BPTF: variants seen among roughly 807,000 people sequenced by gnomAD.
BPTF encodes bromodomain PHD finger transcription factor, also known as nucleosome-remodeling factor subunit BPTF.
A neutral mutation model predicts 292.5 loss-of-function variants in BPTF; 18 were observed. The observed-to-expected ratio is 0.06, with a 90% CI of 0.04 to 0.09. BPTF has a LOEUF of 0.09. Among genes scored for constraint, BPTF ranks in the 10% least tolerant of loss-of-function variants. BPTF has a pLI of 1.00. For missense variants in BPTF, 2,726 were observed against 3,498.7 expected (o/e 0.78, Z 5.57); for synonymous variants, 1,225 against 1,251.9 (o/e 0.98, Z 0.45).
In BPTF at chr17:67,983,770, A is replaced by T. The variant is rs1339283161; in HGVS notation, c.*1482A>T. On this transcript the variant is annotated 3_prime_UTR_variant, in exon 28 of 28. Coordinates refer to ENST00000306378, the MANE Select transcript of BPTF (RefSeq NM_182641.4). ...TTTGTCCTACCAACTTCTGGAATTTATCTAATTATTGTTTTTCAAAGTTTC... is the reference window on the plus strand; with the variant it reads ...TTTGTCCTACCAACTTCTGGAATTTTTCTAATTATTGTTTTTCAAAGTTTC... 1 of 152,660 alleles carries T rather than the reference A, an allele frequency of 6.6e-6. No individual in the cohort carries two copies. Among genetic ancestry groups the T allele is most frequent in the Admixed American group, 6.5e-5 (1 of 15,282 alleles). The allele number at this position is 152,660 out of a possible 1,614,324, so 9.5% of individuals were successfully genotyped here.
At chr17:67,881,852 GTTTTTGTTTTTTTTT>G (rs1217957710) in intron 4 of BPTF, among the ~76,000 whole-genome samples, 7 of 38,404 alleles carry the variant, frequency 1.8e-4, no homozygotes, top group Admixed American at 9.7e-4. Context: ...GGGATTTTGG[GTTTTTGTTTTTTTTT>G]TTTTTTTTTT....
At position 67,925,992 on chromosome 17, in the gene BPTF, C is replaced by CTTTT. The variant is rs60083535; in HGVS notation, c.5751+1430_5751+1433dup. 2.2e-3 allele frequency among the ~76,000 whole-genome samples: 123 copies of CTTTT among 56,656 alleles called. 25 individuals carry two copies. Among genetic ancestry groups the CTTTT allele is most frequent in the Admixed American group, 2.8e-3 (8 of 2,810 alleles). The allele number at this position is 56,656 out of a possible 152,430, so 37.2% of individuals were successfully genotyped here. On this transcript the variant is annotated intron_variant, in intron 15 of 27. Transcript: ENST00000306378. ...CTCTGCAATGTAACCTAACATATTA[C>CTTTT]TTTTTTTTTTTTTTTTTTTTTTTTT... is the stretch of plus-strand genomic sequence containing the variant.
At chr17:67,942,967 G>A (rs1462846690) in intron 19 of BPTF, among the ~76,000 whole-genome samples, 1 of 152,072 alleles carries the variant, frequency 6.6e-6, no homozygotes, top group South Asian at 2.1e-4. Flanking sequence ...CTGCCTGGAG[G>A]GGGCACTATT....
intron 7 of BPTF, among the ~76,000 whole-genome samples, chr17:67,900,599 C>T (rs2061765911): frequency 6.6e-6 from 1 of 151,642 alleles, no homozygotes; most frequent in African/African-American, 2.4e-5. Context: ...AATTAAAAAG[C>T]TAAGCAATCT....
intron 25 of BPTF, chr17:67,966,344 G>C (rs2068095657): frequency 4.5e-6 from 2 of 448,642 alleles, no homozygotes; most frequent in African/African-American, 4.1e-5. Flanking sequence ...TTCTAAGCTT[G>C]TGCTCCATTC....
intron 23 of BPTF, among the ~76,000 whole-genome samples, chr17:67,958,527 A>G (rs1473524691): frequency 6.6e-6 from 1 of 152,016 alleles, no homozygotes; most frequent in Non-Finnish European, 1.5e-5. Flanking sequence ...CAGGAGTTCA[A>G]CACCAGCCTA....
chr17:67,975,926 T>C lies in BPTF; in HGVS notation c.8694T>C (p.Phe2898=). Residue 2898 remains phenylalanine (F), a synonymous_variant, in exon 27 of 28, where the codon TTT becomes TTC. Transcript: ENST00000306378. ...YQCAEVLESF[F]VQKLKGFKAS... ...GTGCAGAAGTTCTCGAATCATTCTT[T>C]GTACAGAAATTGAAAGGCTTCAAAG... 1 of 1,612,204 alleles carries C rather than the reference T, an allele frequency of 6.2e-7. No homozygotes were observed. The highest frequency in any genetic ancestry group is 8.5e-7 in the Non-Finnish European group (1 of 1,179,536).
rs1360346807 is a variant in BPTF at position 67,853,988 on chromosome 17, A to G, written c.662A>G (p.Glu221Gly). 1.2e-6 allele frequency: 2 copies of G among 1,614,034 alleles called. No homozygotes were observed. Among genetic ancestry groups the G allele is most frequent in the African/African-American group, 2.7e-5 (2 of 74,944 alleles). ...VHRPRSPILEEKDIPPLEFPK... is the reference protein window; with the variant it reads ...VHRPRSPILEGKDIPPLEFPK... ...CGGCCTCGTTCTCCTATATTGGAAG[A>G]AAAAGACATCCCGCCCCTTGAATTT... The change falls in exon 2 of 28, where the codon GAA becomes GGA. Residue 221 changes from glutamate to glycine, a missense_variant. This residue lies in a region of BPTF where 153 missense variants were observed against 178.3 expected (regional missense o/e 0.86). Coordinates refer to ENST00000306378, the MANE Select transcript of BPTF (RefSeq NM_182641.4).
chr17:67,938,897 A>AT (rs2065140752), intron 18 of BPTF, among the ~76,000 whole-genome samples: 1 of 152,246 alleles, frequency 6.6e-6, no homozygotes, highest in Non-Finnish European at 1.5e-5. Flanking sequence ...ATGAAGAACA[A>AT]TGACTTAAAA....
intron 19 of BPTF, among the ~76,000 whole-genome samples, chr17:67,942,327 A>C (rs2065443111): frequency 6.6e-6 from 1 of 152,166 alleles, no homozygotes; most frequent in Admixed American, 6.5e-5. Context: ...GAAAAACAAA[A>C]AAAAAAGGAC....
intron 27 of BPTF, 90 bp downstream of exon 27, chr17:67,976,048 G>T: frequency 9.8e-7 from 1 of 1,020,360 alleles, no homozygotes; most frequent in Non-Finnish European, 1.3e-6. Flanking sequence ...TGCAGTTTAT[G>T]GTAAATTTAA....
intron 4 of BPTF, among the ~76,000 whole-genome samples, chr17:67,880,760 C>T (rs1415652935): frequency 6.6e-6 from 1 of 151,994 alleles, no homozygotes; most frequent in Non-Finnish European, 1.5e-5. Context: ...CCTCAGCTTC[C>T]TAAGTAGCTG....
intron 9 of BPTF, among the ~76,000 whole-genome samples, chr17:67,909,316 T>C (rs1215156711): frequency 7.6e-6 from 1 of 132,034 alleles, no homozygotes; most frequent in Non-Finnish European, 1.6e-5. Flanking sequence ...AAAACAAATT[T>C]CCTAAATCAT....
chr17:67,928,392 C>G lies in BPTF; in HGVS notation c.5789C>G (p.Thr1930Ser), dbSNP rs773975793. ...CAGCAGAAGCCGACAGTGATTGCAA[C>G]TTCCACTACTTCCCCAACAAGCAGT... ...LEQQKPTVIATSTTSPTSSTT... is the reference protein window; with the variant it reads ...LEQQKPTVIASSTTSPTSSTT... The change falls in exon 16 of 28, where the codon ACT (threonine) becomes AGT (serine). Residue 1930 changes from threonine (T) to serine (S), a missense_variant. Thr to Ser is a moderately conservative substitution (Grantham distance 58). Transcript: ENST00000306378. The G allele has an allele frequency of 1.2e-6, 2 of 1,613,674 alleles. No homozygotes were observed. The highest frequency in any genetic ancestry group is 1.7e-6 in the Non-Finnish European group (2 of 1,179,808).
chr17:67,953,317 C>T lies in BPTF; in HGVS notation c.7926+5011C>T, dbSNP rs1450204881. On this transcript the variant is annotated intron_variant, in intron 23 of 27. Coordinates refer to ENST00000306378, the MANE Select transcript of BPTF (RefSeq NM_182641.4). ...TGTCACCCAGGCTGGACTGCAATGGCGCGATCTCGGCTCCTGCAACCTCCT... is the reference window on the plus strand; with the variant it reads ...TGTCACCCAGGCTGGACTGCAATGGTGCGATCTCGGCTCCTGCAACCTCCT... Among the ~76,000 whole-genome samples, 5 of 148,458 alleles carry T rather than the reference C, an allele frequency of 3.4e-5. No homozygotes were observed. The East Asian group carries it at 6.0e-4, about 18-fold the overall frequency.
Position 67,984,176 on chromosome 17 carries a change from A to G in BPTF, c.*1888A>G, listed in dbSNP as rs1555698093. ...AAATTATTCTGCATCTCATCACGTC[A>G]CAGTATTTCTGTACTATTTATTCAT... On this transcript the variant is annotated 3_prime_UTR_variant, in exon 28 of 28. Coordinates refer to ENST00000306378, the MANE Select transcript of BPTF (RefSeq NM_182641.4). 1 of 152,558 alleles carries G rather than the reference A, an allele frequency of 6.6e-6. No homozygotes were observed. The highest frequency in any genetic ancestry group is 1.9e-4 in the East Asian group (1 of 5,204). The allele number at this position is 152,558 out of a possible 1,614,324, so 9.5% of individuals were successfully genotyped here. A position where few individuals can be genotyped will look rare whatever the true frequency, so the allele number is the denominator to read the frequency against.
In BPTF at chr17:67,875,166, T is replaced by C. The variant is rs747111869; in HGVS notation, c.1864+146T>C. 1.7e-4 allele frequency: 119 copies of C among 685,888 alleles called. 1 individual carries two copies. Among genetic ancestry groups the C allele is most frequent in the Non-Finnish European group, 2.6e-4 (105 of 407,228 alleles). 42.5% of individuals were successfully genotyped at this position (685,888 alleles called of 1,614,324 possible). On this transcript the variant is annotated intron_variant, in intron 4 of 27. Coordinates refer to ENST00000306378, the MANE Select transcript of BPTF (RefSeq NM_182641.4). ...GAGATCAGGATACCGTCCCCTCTTA[T>C]AACGTGTGTAACAATTGTAATGAGT...
At chr17:67,965,025 A>G (rs1178506080) in intron 25 of BPTF, 1 of 128,274 alleles carries the variant, frequency 7.8e-6, no homozygotes, top group African/African-American at 2.9e-5. Flanking sequence ...AAAAAAGATT[A>G]TAGTTATTCT....
intron 24 of BPTF, among the ~76,000 whole-genome samples, chr17:67,961,208 A>G (rs1285287122): frequency 6.6e-6 from 1 of 152,200 alleles, no homozygotes; most frequent in Non-Finnish European, 1.5e-5. Context: ...AAATACCTAC[A>G]TTGCATAAAA....
Sources: allele counts gnomAD v4.1 joint callset (sites outside exome capture counted in the v4.1 genomes callset), GRCh38; gene constraint gnomAD v4.1.1; regional missense constraint gnomAD v4.1.1; transcripts MANE v1.5; gene names NCBI Gene and HGNC (gene_info 2026-07-23, HGNC 2026-07-21).